The following PITPNM2 variants were observed in gnomAD, a reference collection of about 807,000 sequenced individuals.
The protein encoded by PITPNM2 is membrane-associated phosphatidylinositol transfer protein 2.
Under a neutral mutation model 132.2 loss-of-function variants are expected in PITPNM2, and 35 were observed. The observed-to-expected ratio is 0.26, with a 90% CI of 0.20 to 0.35. The LOEUF is 0.35. Ranked by LOEUF, PITPNM2 falls within the 10% of genes least tolerant of loss-of-function variation. The pLI is 1.00. For synonymous variants in PITPNM2, 738 were observed against 799.2 expected (o/e 0.92, Z 1.29); for missense variants, 1,332 against 1,912.0 (o/e 0.70, Z 5.66).
intron 2 of PITPNM2, among the ~76,000 whole-genome samples, chr12:123,054,255 A>G (rs953658271): frequency 4.6e-5 from 7 of 152,068 alleles, no homozygotes; most frequent in African/African-American, 1.4e-4. Context: ...CCTGGGTACA[A>G]TCTTGGCTAT....
chr12:123,055,848 C>T (rs1262246512), intron 2 of PITPNM2, among the ~76,000 whole-genome samples: 1 of 152,044 alleles, frequency 6.6e-6, no homozygotes, highest in Non-Finnish European at 1.5e-5. Flanking sequence ...CCACAAGCCC[C>T]CTCCATAAAA....
At chr12:122,989,972 G>A (rs2038114889) in intron 17 of PITPNM2, 24 bp from the exon 18 acceptor site, 2 of 1,299,638 alleles carry the variant, frequency 1.5e-6, no homozygotes, top group Admixed American at 3.8e-5. Context: ...GCAATGGATG[G>A]CTCAGCCACG....
chr12:122,999,208 G>A (rs1463008882), intron 10 of PITPNM2, among the ~76,000 whole-genome samples: 2 of 152,216 alleles, frequency 1.3e-5, no homozygotes, highest in East Asian at 3.9e-4. Context: ...GGGTGCTGCT[G>A]AGCTGGAGGA....
At position 122,996,902 on chromosome 12, in the gene PITPNM2, G is replaced by A. The variant is rs768217656; in HGVS notation, c.1481C>T (p.Pro494Leu). Residue 494 changes from proline (P) to leucine (L), a missense_variant, in exon 12 of 26, where the codon CCC becomes CTC. Physicochemically the swap from Pro to Leu is moderately conservative, Grantham distance 98. Around this residue, in one of 6 missense-constraint regions of PITPNM2, gnomAD observed 710 missense variants for 911.5 expected, o/e 0.78. Coordinates refer to ENST00000320201, the MANE Select transcript of PITPNM2 (RefSeq NM_020845.3). Reference sequence around the variant, plus strand: ...CAGACAGCCTTCGTCATGGCTGTAGGGGCTGAGGCTGGGGAGAGGGGCCAG... The same window carrying A: ...CAGACAGCCTTCGTCATGGCTGTAGAGGCTGAGGCTGGGGAGAGGGGCCAG... ...DAFALVSNLSPYSHDEGCLSS... is the reference protein window; with the variant it reads ...DAFALVSNLSLYSHDEGCLSS... 7 of 1,574,382 alleles carry A rather than the reference G, an allele frequency of 4.4e-6. No homozygotes were observed. Among genetic ancestry groups the A allele is most frequent in the Non-Finnish European group, 6.0e-6 (7 of 1,167,630 alleles).
At chr12:123,030,012 G>A (rs999434907) in intron 3 of PITPNM2, among the ~76,000 whole-genome samples, 1 of 152,176 alleles carries the variant, frequency 6.6e-6, no homozygotes, top group Non-Finnish European at 1.5e-5. Context: ...AGAGGTGGAA[G>A]GCACTAGGTG....
rs941833748 is a variant in PITPNM2 at position 123,031,808 on chromosome 12, G to A, written c.78+2705C>T. 3.3e-5 allele frequency among the ~76,000 whole-genome samples: 5 copies of A among 152,194 alleles called. No individual in the cohort carries two copies. The highest frequency in any genetic ancestry group is 1.2e-4 in the African/African-American group (5 of 41,450). On this transcript the variant is annotated intron_variant, in intron 3 of 25. Coordinates refer to ENST00000320201, the MANE Select transcript of PITPNM2 (RefSeq NM_020845.3). The surrounding 1 kb of genome is among the most constrained non-coding windows in gnomAD (Gnocchi z 4.5). ...TTCTTTCACCTTTCTTTTTTAACAG[G>A]AAAGCAGACGTGTGCACACATGCTT...
At chr12:123,135,795 A>G (rs954822124) in intron 1 of PITPNM2, among the ~76,000 whole-genome samples, 5 of 152,110 alleles carry the variant, frequency 3.3e-5, no homozygotes, top group Non-Finnish European at 1.5e-5. Context: ...CATAGCCCCA[A>G]ACTCCTGAGC....
In PITPNM2 at chr12:123,001,149, G is replaced by C. The variant is rs2038653260; in HGVS notation, c.1058C>G (p.Ser353Cys). The C allele has an allele frequency of 6.2e-7, 1 of 1,613,856 alleles. No homozygotes were observed. Among genetic ancestry groups the C allele is most frequent in the South Asian group, 1.1e-5 (1 of 91,048 alleles). The change falls in exon 9 of 26, where the codon TCC (serine) becomes TGC (cysteine). Residue 353 changes from serine (S) to cysteine (C), a missense_variant. Transcript: ENST00000320201. ...DEFFDAHEDL[S>C]DTEEMFPKDI... ...CTTGGGGAACATTTCCTCTGTGTCG[G>C]ACAGGTCCTCTGGAGAGGAGAGAGG...
At chr12:122,997,110 G>A (rs1229584476) in intron 11 of PITPNM2, among the ~76,000 whole-genome samples, 200 bp from the exon 12 acceptor site, 2 of 152,188 alleles carry the variant, frequency 1.3e-5, no homozygotes, top group Admixed American at 6.5e-5. Context: ...CACATTACAC[G>A]TTTGGAAACG....
At chr12:123,129,145 G>A (rs755027212) in intron 1 of PITPNM2, among the ~76,000 whole-genome samples, 1 of 150,726 alleles carries the variant, frequency 6.6e-6, no homozygotes, top group African/African-American at 2.4e-5. Flanking sequence ...TCAAAAAAAG[G>A]AGTAATGAGG....
chr12:123,147,828 G>C (rs1363180006), intron 1 of PITPNM2, among the ~76,000 whole-genome samples: 2 of 152,144 alleles, frequency 1.3e-5, no homozygotes, highest in Non-Finnish European at 2.9e-5. Context: ...TTCTTTCTCT[G>C]GGAAAAAGGG....
At chr12:123,072,888 GC>G (rs2041657198) in intron 2 of PITPNM2, among the ~76,000 whole-genome samples, 1 of 152,234 alleles carries the variant, frequency 6.6e-6, no homozygotes, top group Admixed American at 6.5e-5. Context: ...CCAGGCAAGG[GC>G]CCTGGGGAAG....
rs2039717086 is a variant in PITPNM2, at chr12:123,022,752, C to A, written c.79-8710G>T. Among the ~76,000 whole-genome samples the A allele has an allele frequency of 6.6e-6, 1 of 152,254 alleles. No homozygotes were observed. The highest frequency in any genetic ancestry group is 1.5e-5 in the Non-Finnish European group (1 of 68,052). ...AAACTGCAGAAACCTGCATGTGCATCAGAACCCCCAACCCCTACCTAATAG... is the reference window on the plus strand; with the variant it reads ...AAACTGCAGAAACCTGCATGTGCATAAGAACCCCCAACCCCTACCTAATAG... On this transcript the variant is annotated intron_variant, in intron 3 of 25. Coordinates refer to ENST00000320201, the MANE Select transcript of PITPNM2 (RefSeq NM_020845.3). The surrounding 1 kb of genome is among the most constrained non-coding windows in gnomAD (Gnocchi z 4.9).
Position 122,999,483 on chromosome 12 carries a change from G to A in PITPNM2, c.1224+1295C>T, listed in dbSNP as rs377682856. Among the ~76,000 whole-genome samples, 6 of 152,288 alleles carry A rather than the reference G, an allele frequency of 3.9e-5. No homozygotes were observed. In the East Asian group the frequency reaches 9.6e-4, roughly 24 times the overall value. On this transcript the variant is annotated intron_variant, in intron 10 of 25. Coordinates refer to ENST00000320201, the MANE Select transcript of PITPNM2 (RefSeq NM_020845.3). Reference sequence around the variant, plus strand: ...AGGGCTTATGGAAGAAATGTCTTACGCAGCCTTCACGACAGGGAGGTGACA... The same window carrying A: ...AGGGCTTATGGAAGAAATGTCTTACACAGCCTTCACGACAGGGAGGTGACA...
At chr12:123,076,692 G>C (rs1262867590) in intron 2 of PITPNM2, among the ~76,000 whole-genome samples, 2 of 152,212 alleles carry the variant, frequency 1.3e-5, no homozygotes, top group African/African-American at 4.8e-5. Flanking sequence ...GCCTCTTTCA[G>C]AGTTGACTAT....
rs1566247702 is a variant in PITPNM2 at position 123,013,834 on chromosome 12, C to T, written c.287G>A (p.Arg96Gln). The T allele has an allele frequency of 1.9e-6, 3 of 1,613,738 alleles. No individual in the cohort carries two copies. The highest frequency in any genetic ancestry group is 1.1e-5 in the South Asian group (1 of 91,064). ...EESWNAYPYT[R>Q]TRFTCPFVEK... is the part of the protein sequence containing the mutation. ...GAGGCCAAAGCAGGCGCACCTGGTT[C>T]GGGTGTAGGGGTAGGCATTCCAAGA... Residue 96 changes from arginine to glutamine, a missense_variant, in exon 4 of 26, where the codon CGA becomes CAA. By Grantham distance (43) the Arg-to-Gln change is conservative. Around this residue, in one of 6 missense-constraint regions of PITPNM2, gnomAD observed 3 missense variants for 23.0 expected, o/e 0.13. Transcript: ENST00000320201.
At chr12:123,073,270 C>A (rs1389167941) in intron 2 of PITPNM2, among the ~76,000 whole-genome samples, 1 of 152,174 alleles carries the variant, frequency 6.6e-6, no homozygotes. Context: ...AACATAAGAA[C>A]TCCCCTCTAC....
chr12:123,120,157 C>T (rs1322356652), intron 1 of PITPNM2, among the ~76,000 whole-genome samples: 4 of 152,160 alleles, frequency 2.6e-5, no homozygotes, highest in Non-Finnish European at 5.9e-5. Context: ...TTTAAGGTCA[C>T]CTTATAACTA....
At chr12:123,105,333 T>A (rs1335924032) in intron 2 of PITPNM2, 1 of 152,152 alleles carries the variant, frequency 6.6e-6, no homozygotes, top group Non-Finnish European at 1.5e-5. Context: ...TATGCCCAGC[T>A]CCTAGAATAG....
Sources: allele counts gnomAD v4.1 joint callset (sites outside exome capture counted in the v4.1 genomes callset), GRCh38; gene constraint gnomAD v4.1.1; regional missense constraint gnomAD v4.1.1; non-coding constraint Gnocchi (gnomAD v3.1); transcripts MANE v1.5; gene names NCBI Gene and HGNC (gene_info 2026-07-23, HGNC 2026-07-21).